The following DOCK1 variants were observed in gnomAD, a reference collection of about 807,000 sequenced individuals.
DOCK1 encodes dedicator of cytokinesis protein 1.
A neutral mutation model predicts 262.7 loss-of-function variants in DOCK1; 138 were observed. The observed-to-expected ratio is 0.53, with a 90% CI of 0.46 to 0.61. The LOEUF is 0.61. Among genes scored for constraint, DOCK1 ranks in the 20% least tolerant of loss-of-function variants. DOCK1 has a pLI of 0.00. For missense variants in DOCK1, 1,908 were observed against 2,370.7 expected (o/e 0.80, Z 4.05); for synonymous variants, 866 against 867.4 (o/e 1.00, Z 0.03).
chr10:126,956,413 A>G (rs1368448317), intron 1 of DOCK1, among the ~76,000 whole-genome samples: 1 of 152,104 alleles, frequency 6.6e-6, no homozygotes. Context: ...GTTAGAAGTG[A>G]CTGTACCAGG....
intron 15 of DOCK1, among the ~76,000 whole-genome samples, chr10:127,025,650 A>G (rs972252916): frequency 3.9e-5 from 6 of 152,080 alleles, no homozygotes; most frequent in Non-Finnish European, 2.9e-5. Context: ...GGGTTTTATC[A>G]TGTTGGCCAG....
At chr10:127,362,968 TACACATACACATACACATCCCC>T (rs2064644348) in intron 33 of DOCK1, among the ~76,000 whole-genome samples, 2 of 3,724 alleles carry the variant, frequency 5.4e-4, no homozygotes, top group African/African-American at 1.1e-3. Flanking sequence ...CATCCCCACA[TACACATACACATACACATCCCC>T]CCCCACACAC....
intron 27 of DOCK1, among the ~76,000 whole-genome samples, chr10:127,214,006 A>AT (rs535576325): frequency 1.4e-4 from 22 of 152,052 alleles, no homozygotes; most frequent in East Asian, 1.2e-3. Context: ...TGCCTGGCTA[A>AT]TTTTTTTGTA....
intron 26 of DOCK1, 62 bp downstream of exon 26, chr10:127,125,663 G>C: frequency 6.3e-7 from 1 of 1,579,474 alleles, no homozygotes; most frequent in Non-Finnish European, 8.6e-7. Flanking sequence ...TTGCCTTGCA[G>C]TACAACTTTA....
chr10:126,949,207 G>A (rs2035946473), intron 1 of DOCK1, among the ~76,000 whole-genome samples: 1 of 152,072 alleles, frequency 6.6e-6, no homozygotes, highest in Non-Finnish European at 1.5e-5. Flanking sequence ...GGTGACCTGG[G>A]TTGGGGGACA....
In DOCK1 at chr10:126,946,909, C is replaced by T. The variant is rs1477492735; in HGVS notation, c.47-23793C>T. Among the ~76,000 whole-genome samples the T allele has an allele frequency of 5.3e-5, 8 of 152,336 alleles. No homozygotes were observed. In the East Asian group the frequency reaches 9.6e-4, roughly 18 times the overall value. On this transcript the variant is annotated intron_variant, in intron 1 of 51. Coordinates refer to ENST00000623213, the MANE Select transcript of DOCK1 (RefSeq NM_001290223.2). ...AGGAAGTGCGTTAGTGCCCATCTCA[C>T]GGTCACAGCGGACAGGCTCACTTCT...
At chr10:127,018,439 G>A in intron 12 of DOCK1, 1 of 487,708 alleles carries the variant, frequency 2.1e-6, no homozygotes, top group Non-Finnish European at 3.7e-6. Flanking sequence ...GCATTCCTCA[G>A]CAGCACAGTG....
chr10:127,335,433 T>C (rs978938185), intron 29 of DOCK1, among the ~76,000 whole-genome samples: 1 of 152,258 alleles, frequency 6.6e-6, no homozygotes, highest in Non-Finnish European at 1.5e-5. Flanking sequence ...TTGCAATCCT[T>C]CTCATATTCC....
At chr10:126,928,776 GCAATTTACCACC>G (rs1453455702) in intron 1 of DOCK1, among the ~76,000 whole-genome samples, 1 of 152,224 alleles carries the variant, frequency 6.6e-6, no homozygotes, top group East Asian at 1.9e-4. Flanking sequence ...AGGCTCTGGG[GCAATTTACCACC>G]CAATTTACCA....
chr10:127,249,288 C>A (rs565107021), intron 28 of DOCK1, among the ~76,000 whole-genome samples: 1 of 151,538 alleles, frequency 6.6e-6, no homozygotes, highest in South Asian at 2.1e-4. Flanking sequence ...TCTTATATAT[C>A]TATAGTGGCA....
chr10:127,380,002 G>A (rs888017302), intron 35 of DOCK1, 80 bp from the exon 36 acceptor site: 2 of 965,082 alleles, frequency 2.1e-6, no homozygotes, highest in Non-Finnish European at 3.2e-6. Flanking sequence ...ACAAGATGAA[G>A]TATCTTGAAT....
Position 127,061,929 on chromosome 10 carries a change from C to CTT in DOCK1, c.2445+177_2445+178dup, listed in dbSNP as rs562310710. Among the ~76,000 whole-genome samples, 408 of 71,798 alleles carry CTT rather than the reference C, an allele frequency of 5.7e-3. 2 individuals carry two copies. Among genetic ancestry groups the CTT allele is most frequent in the Non-Finnish European group, 6.5e-3 (273 of 42,084 alleles). The allele number at this position is 71,798 out of a possible 152,430, so 47.1% of individuals were successfully genotyped here. Reference sequence around the variant, plus strand: ...TCTCAATTTGATTTCAAGAGCTGTGCTTTTTTTTTTTTTTTTTTTTTTTTT... The same window carrying CTT: ...TCTCAATTTGATTTCAAGAGCTGTGCTTTTTTTTTTTTTTTTTTTTTTTTTTT... On this transcript the variant is annotated intron_variant, in intron 23 of 51. Coordinates refer to ENST00000623213, the MANE Select transcript of DOCK1 (RefSeq NM_001290223.2).
chr10:127,401,842 G>A (rs2067243304), intron 38 of DOCK1, among the ~76,000 whole-genome samples: 1 of 152,198 alleles, frequency 6.6e-6, no homozygotes, highest in South Asian at 2.1e-4. Context: ...AGCATGGCTG[G>A]CCTTATGTCA....
chr10:127,284,634 C>T (rs1018159303), intron 29 of DOCK1, among the ~76,000 whole-genome samples: 7 of 152,138 alleles, frequency 4.6e-5, no homozygotes, highest in Non-Finnish European at 8.8e-5. Context: ...TGCCTGTAAT[C>T]CCAACACTTT....
At chr10:126,987,467 C>T (rs907372762) in intron 4 of DOCK1, 54 bp from the exon 5 acceptor site, 2 of 1,440,192 alleles carry the variant, frequency 1.4e-6, no homozygotes, top group Non-Finnish European at 1.9e-6. Flanking sequence ...AGGTACTACT[C>T]ATAGCAGGCA....
chr10:127,426,408 A>T (rs2068819601), intron 47 of DOCK1, among the ~76,000 whole-genome samples: 1 of 152,214 alleles, frequency 6.6e-6, no homozygotes, highest in African/African-American at 2.4e-5. Flanking sequence ...AACAGCACTC[A>T]CGACGGCCCA....
chr10:127,011,935 G>A (rs1027948176), intron 11 of DOCK1, among the ~76,000 whole-genome samples: 3 of 152,132 alleles, frequency 2.0e-5, no homozygotes, highest in African/African-American at 7.2e-5. Flanking sequence ...TTTCAGACAA[G>A]CTCCTTTTTT....
At chr10:127,036,003 AAAATAAATAAATAAAT>A (rs3070212) in intron 18 of DOCK1, among the ~76,000 whole-genome samples, 1,469 of 139,102 alleles carry the variant, frequency 0.011, 28 homozygotes, top group African/African-American at 0.038. Flanking sequence ...CCCTGTCTCA[AAAATAAATAAATAAAT>A]AAATAAATAA....
intron 1 of DOCK1, among the ~76,000 whole-genome samples, chr10:126,915,722 A>G (rs1364731415): frequency 6.6e-6 from 1 of 152,164 alleles, no homozygotes; most frequent in African/African-American, 2.4e-5. Flanking sequence ...AAGTGCTGGG[A>G]TTACAGGCGT....
Sources: allele counts gnomAD v4.1 joint callset (sites outside exome capture counted in the v4.1 genomes callset), GRCh38; gene constraint gnomAD v4.1.1; transcripts MANE v1.5; gene names NCBI Gene and HGNC (gene_info 2026-07-23, HGNC 2026-07-21).